CLSTN1: variants seen among roughly 807,000 people sequenced by gnomAD.
The protein encoded by CLSTN1 is calsyntenin 1, also known as calsyntenin-1.
Under a neutral mutation model 108.3 loss-of-function variants are expected in CLSTN1, and 28 were observed. That is an observed-to-expected ratio of 0.26 (90% confidence interval 0.19 to 0.35). CLSTN1 has a LOEUF of 0.35. Ranked by LOEUF, CLSTN1 falls within the 10% of genes least tolerant of loss-of-function variation. The pLI is 1.00. For synonymous variants in CLSTN1, 524 were observed against 534.9 expected (o/e 0.98, Z 0.28); for missense variants, 1,157 against 1,302.6 (o/e 0.89, Z 1.72).
At chr1:9,765,338 C>T (rs563546813) in intron 2 of CLSTN1, among the ~76,000 whole-genome samples, 1 of 151,776 alleles carries the variant, frequency 6.6e-6, no homozygotes, top group South Asian at 2.1e-4. Flanking sequence ...GAGCTGAGAT[C>T]GCGTCATTGC....
chr1:9,741,039 A>G, intron 10 of CLSTN1, 55 bp downstream of exon 10: 4 of 1,571,966 alleles, frequency 2.5e-6, no homozygotes, highest in Non-Finnish European at 3.5e-6. Context: ...CCACCAACCT[A>G]GTAAAGAGGT....
At chr1:9,782,610 T>C (rs1653297786) in intron 1 of CLSTN1, among the ~76,000 whole-genome samples, 1 of 152,226 alleles carries the variant, frequency 6.6e-6, no homozygotes. Context: ...AGAAATTATT[T>C]GATTTTTAAG....
At chr1:9,792,511 G>A (rs1250800111) in intron 1 of CLSTN1, among the ~76,000 whole-genome samples, 1 of 151,332 alleles carries the variant, frequency 6.6e-6, no homozygotes, top group African/African-American at 2.4e-5. Context: ...GGAAATAAGG[G>A]GTCTCCCTCA....
Position 9,742,259 on chromosome 1 carries a change from A to G in CLSTN1, c.1357-1003T>C, listed in dbSNP as rs534342680. ...AAGAGTGCTGTGATTATGCTTGTCT[A>G]TGAGATACATCATGACATACAGGCG... On this transcript the variant is annotated intron_variant, in intron 9 of 18. Transcript: ENST00000377298. 3.9e-5 allele frequency among the ~76,000 whole-genome samples: 6 copies of G among 152,214 alleles called. 1 individual carries two copies. In the South Asian group the frequency reaches 1.0e-3, roughly 26 times the overall value.
intron 1 of CLSTN1, among the ~76,000 whole-genome samples, chr1:9,783,780 G>C (rs543470716): frequency 6.6e-6 from 1 of 152,284 alleles, no homozygotes; most frequent in East Asian, 1.9e-4. Context: ...ATGGCCTGAG[G>C]TCAGGAGTTC....
chr1:9,748,040 T>C (rs901072434), intron 7 of CLSTN1, among the ~76,000 whole-genome samples: 4 of 145,462 alleles, frequency 2.7e-5, no homozygotes, highest in African/African-American at 8.1e-5. Flanking sequence ...TGAGACTCTG[T>C]CTAAAAAAAA....
intron 1 of CLSTN1, among the ~76,000 whole-genome samples, chr1:9,812,157 A>T (rs1310530525): frequency 6.6e-6 from 1 of 152,102 alleles, no homozygotes; most frequent in African/African-American, 2.4e-5. Flanking sequence ...AAAAGAGTAA[A>T]CATAATCTGC....
At chr1:9,743,285 G>T (rs897935754) in intron 9 of CLSTN1, among the ~76,000 whole-genome samples, 1 of 152,222 alleles carries the variant, frequency 6.6e-6, no homozygotes, top group African/African-American at 2.4e-5. Context: ...AATTAGCTTT[G>T]CGGCCGGGCA....
At chr1:9,738,921 G>A (rs1650832333) in intron 10 of CLSTN1, among the ~76,000 whole-genome samples, 1 of 152,238 alleles carries the variant, frequency 6.6e-6, no homozygotes, top group Non-Finnish European at 1.5e-5. Flanking sequence ...CAAAGTGCTG[G>A]GATTACAGGT....
chr1:9,769,953 C>A (rs1652586691), intron 2 of CLSTN1, among the ~76,000 whole-genome samples: 1 of 151,558 alleles, frequency 6.6e-6, no homozygotes, highest in African/African-American at 2.4e-5. Context: ...TGGCGTGAAC[C>A]CGGGAGGCAG....
At chr1:9,792,825 C>T (rs770576654) in intron 1 of CLSTN1, among the ~76,000 whole-genome samples, 11 of 151,140 alleles carry the variant, frequency 7.3e-5, no homozygotes, top group Non-Finnish European at 1.6e-4. Flanking sequence ...TCTCAAGCTC[C>T]GTACCCTCAG....
rs146414421 is a variant in CLSTN1, at chr1:9,772,471, G to A, written c.214+801C>T. Among the ~76,000 whole-genome samples, 5 of 152,070 alleles carry A rather than the reference G, an allele frequency of 3.3e-5. No homozygotes were observed. In the East Asian group the frequency reaches 5.8e-4, roughly 18 times the overall value. ...TACAGGCATGTCACTGTGCCCAGCC[G>A]TGCAGGAGAAGATCTGATCTGGAAA... On this transcript the variant is annotated intron_variant, in intron 2 of 18. Transcript: ENST00000377298.
chr1:9,744,617 G>A lies in CLSTN1; in HGVS notation c.1012C>T (p.Leu338=). 6.2e-7 allele frequency: 1 copy of A among 1,612,230 alleles called. No individual in the cohort carries two copies. The highest frequency in any genetic ancestry group is 1.1e-5 in the South Asian group (1 of 91,012). The part of the protein sequence containing the change: ...CGAAAGTAEL[L]PSPSGSLNWT... ...TTGAGGGATCCACTCGGGGATGGCA[G>A]CAGCTCGGCAGTGCCCGCGGCCGCA... is the stretch of plus-strand genomic sequence containing the variant. The change falls in exon 8 of 19, where the codon CTG becomes TTG. Residue 338 remains leucine (L), a synonymous_variant. Transcript: ENST00000377298.
At chr1:9,781,194 G>C in intron 1 of CLSTN1, 3 of 791,186 alleles carry the variant, frequency 3.8e-6, no homozygotes, top group Non-Finnish European at 6.7e-6. Context: ...AAGGAGCTTC[G>C]CAAGGCTACT....
At chr1:9,784,172 CAAAAAA>C (rs34315931) in intron 1 of CLSTN1, among the ~76,000 whole-genome samples, 3 of 83,712 alleles carry the variant, frequency 3.6e-5, no homozygotes, top group African/African-American at 1.4e-4. Flanking sequence ...AACTCTATCT[CAAAAAA>C]AAAAAAAAAA....
At chr1:9,799,053 C>G (rs890417147) in intron 1 of CLSTN1, among the ~76,000 whole-genome samples, 14 of 152,018 alleles carry the variant, frequency 9.2e-5, no homozygotes, top group African/African-American at 3.4e-4. Context: ...TAGTGGTGCA[C>G]GCCCATGGTC....
intron 1 of CLSTN1, among the ~76,000 whole-genome samples, chr1:9,807,237 C>T (rs1654547587): frequency 6.6e-6 from 1 of 152,078 alleles, no homozygotes; most frequent in South Asian, 2.1e-4. Context: ...CTAACAGCAC[C>T]TGTCCACGTC....
intron 16 of CLSTN1, among the ~76,000 whole-genome samples, chr1:9,732,144 A>G (rs750496455): frequency 8.5e-5 from 13 of 152,262 alleles, no homozygotes; most frequent in Non-Finnish European, 1.8e-4. Flanking sequence ...AAACTGCTAT[A>G]ACAATCTAAT....
chr1:9,730,748 A>C lies in CLSTN1; in HGVS notation c.2749-43T>G. 1 of 1,531,830 alleles carries C rather than the reference A, an allele frequency of 6.5e-7. No homozygotes were observed. The highest frequency in any genetic ancestry group is 1.2e-5 in the South Asian group (1 of 85,396). 94.9% of individuals were successfully genotyped at this position (1,531,830 alleles called of 1,614,324 possible). A position where few individuals can be genotyped will look rare whatever the true frequency, so the allele number is the denominator to read the frequency against. ...CGGCCACATGAGTCCGGCCCTGCCC[A>C]CAGCCCCGTCACCTGGCATTCTCCT... On this transcript the variant is annotated intron_variant, in intron 18 of 18. Transcript: ENST00000377298. This position sits in a 1 kb window ranked among gnomAD's most constrained non-coding sequence, Gnocchi z 5.6.
Sources: allele counts gnomAD v4.1 joint callset (sites outside exome capture counted in the v4.1 genomes callset), GRCh38; gene constraint gnomAD v4.1.1; non-coding constraint Gnocchi (gnomAD v3.1); transcripts MANE v1.5; gene names NCBI Gene and HGNC (gene_info 2026-07-23, HGNC 2026-07-21).